The following EBF3 variants were observed in gnomAD, a reference collection of about 807,000 sequenced individuals.
EBF3 encodes the protein EBF transcription factor 3.
Under a neutral mutation model 77.1 loss-of-function variants are expected in EBF3, and 18 were observed. The observed-to-expected ratio is 0.23, with a 90% confidence interval of 0.16 to 0.35. The LOEUF (loss-of-function observed/expected upper bound fraction) is 0.35, where lower values mean the gene tolerates loss of function less well. EBF3 is among the 10% of genes least tolerant of loss of function. The pLI is 1.00. For missense variants in EBF3, 558 were observed against 860.0 expected (o/e 0.65, Z 4.39); for synonymous variants, 350 against 343.5 (o/e 1.02, Z -0.21).
intron 10 of EBF3, among the ~76,000 whole-genome samples, chr10:129,859,022 G>A (rs944284821): frequency 5.9e-5 from 9 of 152,284 alleles, no homozygotes; most frequent in East Asian, 1.9e-4. Flanking sequence ...ATGACCCTTC[G>A]AGAGTGTGCC....
Position 129,839,129 on chromosome 10 carries a change from C to T in EBF3, c.1826G>A (p.Gly609Asp). The stretch of plus-strand genomic sequence containing the variant: ...CATTAGTTCATCAAAGTGAAATATG[C>T]CACCGACTTCACAAAAGGGCCAGTT... ...KTNWPFCEVG[G>D]IFHFDELMLK... is the part of the protein sequence containing the mutation. Residue 609 changes from glycine (G) to aspartate (D), a missense_variant, in exon 16 of 17, where the codon GGC becomes GAC. By Grantham distance (94) the Gly-to-Asp change is moderately conservative. This residue lies in a region of EBF3 where 284 missense variants were observed against 368.3 expected (regional missense o/e 0.77). Transcript: ENST00000440978. The T allele has an allele frequency of 7.7e-7, 1 of 1,304,474 alleles. No homozygotes were observed. The highest frequency in any genetic ancestry group is 1.0e-6 in the Non-Finnish European group (1 of 989,004). 80.8% of individuals were successfully genotyped at this position (1,304,474 alleles called of 1,614,324 possible). A position where few individuals can be genotyped will look rare whatever the true frequency, so the allele number is the denominator to read the frequency against.
intron 7 of EBF3, among the ~76,000 whole-genome samples, chr10:129,874,611 TCAGCC>T (rs1421359349): frequency 6.6e-6 from 1 of 152,188 alleles, no homozygotes; most frequent in Non-Finnish European, 1.5e-5. Context: ...TCCTGGAGCT[TCAGCC>T]CAGCTCTGAC....
Position 129,836,771 on chromosome 10 carries a change from GAAGAAA to G in EBF3, c.*1166_*1171del, listed in dbSNP as rs1475301295. 2 of 151,382 alleles carry G rather than the reference GAAGAAA, an allele frequency of 1.3e-5. No homozygotes were observed. Among genetic ancestry groups the G allele is most frequent in the South Asian group, 2.1e-4 (1 of 4,728 alleles). 9.4% of individuals were successfully genotyped at this position (151,382 alleles called of 1,614,324 possible). ...ATCAAAAACCAATACAGACAAGAAA[GAAGAAA>G]AAGGAAAAGGTGGGAAAAGCAATGT... On this transcript the variant is annotated 3_prime_UTR_variant, in exon 17 of 17. Transcript: ENST00000440978.
intron 8 of EBF3, among the ~76,000 whole-genome samples, chr10:129,868,735 G>A (rs184483281): frequency 1.3e-3 from 195 of 152,372 alleles, no homozygotes; most frequent in Middle Eastern, 3.4e-3. Context: ...TTGAGCAGGA[G>A]GCCAGGGCCG....
intron 6 of EBF3, among the ~76,000 whole-genome samples, chr10:129,898,764 C>G (rs1012452547): frequency 6.6e-6 from 1 of 152,214 alleles, no homozygotes; most frequent in African/African-American, 2.4e-5. Context: ...TCTTGCACAT[C>G]TGCCAAGCTG....
Position 129,943,268 on chromosome 10 carries a change from T to TA in EBF3, c.554+13989dup, listed in dbSNP as rs1480240467. ...CACAAACAAATAAACAGCAAATACTTACAGGAGACAGCCTTGTAGAACTGA... is the reference window on the plus strand; with the variant it reads ...CACAAACAAATAAACAGCAAATACTTAACAGGAGACAGCCTTGTAGAACTGA... On this transcript the variant is annotated intron_variant, in intron 6 of 16. Transcript: ENST00000440978. This position sits in a 1 kb window ranked among gnomAD's most constrained non-coding sequence, Gnocchi z 8.8. 1.3e-5 allele frequency among the ~76,000 whole-genome samples: 2 copies of TA among 152,166 alleles called. No homozygotes were observed. Among genetic ancestry groups the TA allele is most frequent in the African/African-American group, 4.8e-5 (2 of 41,448 alleles).
At position 129,935,983 on chromosome 10, in the gene EBF3, C is replaced by CG. The variant is rs1857329181; in HGVS notation, c.554+21274_554+21275insC. On this transcript the variant is annotated intron_variant, in intron 6 of 16. Transcript: ENST00000440978. This position sits in a 1 kb window ranked among gnomAD's most constrained non-coding sequence, Gnocchi z 4.2. ...TCGGGGGGCTTCCTGAAGCTGCCCC[C>CG]CCCGCCCAACAATGCAGCTGGTGCC... 6.6e-6 allele frequency among the ~76,000 whole-genome samples: 1 copy of CG among 150,764 alleles called. No individual in the cohort carries two copies. Among genetic ancestry groups the CG allele is most frequent in the African/African-American group, 2.5e-5 (1 of 40,084 alleles).
chr10:129,886,535 G>A (rs544021307), intron 6 of EBF3, among the ~76,000 whole-genome samples: 1 of 152,228 alleles, frequency 6.6e-6, no homozygotes. Flanking sequence ...GTGGCTCGGG[G>A]AAGGACCAAG....
In EBF3 at chr10:129,947,375, A is replaced by G. The variant is rs1214673419; in HGVS notation, c.554+9883T>C. ...TTTATGTTGTGTTTTACTGTCAGCA[A>G]TGGCTAAAGCTGGCCTAACATTTTG... On this transcript the variant is annotated intron_variant, in intron 6 of 16. Transcript: ENST00000440978. The surrounding 1 kb of genome is among the most constrained non-coding windows in gnomAD (Gnocchi z 4.5). 6.6e-6 allele frequency among the ~76,000 whole-genome samples: 1 copy of G among 152,212 alleles called. No individual in the cohort carries two copies. Among genetic ancestry groups the G allele is most frequent in the African/African-American group, 2.4e-5 (1 of 41,448 alleles).
At chr10:129,957,394 T>G in intron 5 of EBF3, 68 bp from the exon 6 acceptor site, 1 of 1,421,916 alleles carries the variant, frequency 7.0e-7, no homozygotes, top group Non-Finnish European at 9.6e-7. Context: ...TTGTATTTTT[T>G]TTTTTTTCTG....
intron 8 of EBF3, among the ~76,000 whole-genome samples, chr10:129,868,131 G>A (rs1413425555): frequency 1.3e-5 from 2 of 152,244 alleles, no homozygotes; most frequent in African/African-American, 2.4e-5. Context: ...ATACTAGTGA[G>A]CGAGAAAAAA....
At chr10:129,896,691 C>T (rs1344112092) in intron 6 of EBF3, among the ~76,000 whole-genome samples, 1 of 152,252 alleles carries the variant, frequency 6.6e-6, no homozygotes, top group Non-Finnish European at 1.5e-5. Flanking sequence ...TTCCCTGCTC[C>T]TCCCGCTGCT....
At chr10:129,958,866 G>T in intron 5 of EBF3, 68 bp downstream of exon 5, 1 of 1,513,208 alleles carries the variant, frequency 6.6e-7, no homozygotes. Context: ...CCTGGACGCG[G>T]CGTCCTTTGT....
intron 15 of EBF3, 38 bp downstream of exon 15, chr10:129,840,207 G>A (rs535640470): frequency 1.3e-6 from 2 of 1,516,380 alleles, no homozygotes; most frequent in East Asian, 2.5e-5. Flanking sequence ...CCCCTGGAGA[G>A]GACCCAGCAC....
rs977367001 is a variant in EBF3, at chr10:129,842,013, G to A, written c.1372+103C>T. On this transcript the variant is annotated intron_variant, in intron 13 of 16. Transcript: ENST00000440978. The surrounding 1 kb of genome is among the most constrained non-coding windows in gnomAD (Gnocchi z 4.4). Reference sequence around the variant, plus strand: ...AGAGCCAGAGAGAACAGAACGCTACGGACATTCCCCAGCTGGCCCTGGACA... The same window carrying A: ...AGAGCCAGAGAGAACAGAACGCTACAGACATTCCCCAGCTGGCCCTGGACA... The A allele has an allele frequency of 1.3e-5, 19 of 1,465,480 alleles. No homozygotes were observed. The highest frequency in any genetic ancestry group is 9.2e-5 in the East Asian group (4 of 43,612). The allele number at this position is 1,465,480 out of a possible 1,614,324, so 90.8% of individuals were successfully genotyped here.
chr10:129,962,004 C>T, intron 4 of EBF3, among the ~76,000 whole-genome samples, 167 bp downstream of exon 4: 1 of 152,162 alleles, frequency 6.6e-6, no homozygotes, highest in East Asian at 1.9e-4. Context: ...AACTATTTTA[C>T]CAATCGCTTC....
intron 6 of EBF3, among the ~76,000 whole-genome samples, chr10:129,937,610 A>T (rs1367977387): frequency 1.3e-5 from 2 of 152,150 alleles, no homozygotes; most frequent in Non-Finnish European, 2.9e-5. Flanking sequence ...AACTGAGGCC[A>T]TGGGAAAGAG....
chr10:129,869,166 C>T (rs368706546), intron 8 of EBF3, among the ~76,000 whole-genome samples: 22 of 152,202 alleles, frequency 1.4e-4, no homozygotes, highest in African/African-American at 4.8e-4. Context: ...CTACACTAAG[C>T]CCTGGGACAC....
At chr10:129,868,535 C>T (rs915193113) in intron 8 of EBF3, among the ~76,000 whole-genome samples, 2 of 152,188 alleles carry the variant, frequency 1.3e-5, no homozygotes, top group Non-Finnish European at 2.9e-5. Context: ...CTCTTTGTCT[C>T]GGGAGCTCTC....
Sources: allele counts gnomAD v4.1 joint callset (sites outside exome capture counted in the v4.1 genomes callset), GRCh38; gene constraint gnomAD v4.1.1; regional missense constraint gnomAD v4.1.1; non-coding constraint Gnocchi (gnomAD v3.1); transcripts MANE v1.5; gene names NCBI Gene and HGNC (gene_info 2026-07-23, HGNC 2026-07-21).